The following NDC80 variants were observed in gnomAD, a reference collection of about 807,000 sequenced individuals.
The protein encoded by NDC80 is NDC80 kinetochore complex component.
NDC80 carries 69 observed loss-of-function variants against 89.3 expected under a neutral mutation model. The observed-to-expected ratio is 0.77, with a 90% CI of 0.64 to 0.94. The LOEUF is 0.94. Among genes scored for constraint, NDC80 ranks in the 40% least tolerant of loss-of-function variants. The pLI, the probability that NDC80 is intolerant of heterozygous loss-of-function variation, is 0.00. For synonymous variants in NDC80, 243 were observed against 255.6 expected, an observed-to-expected ratio of 0.95 and a Z score of 0.47; for missense variants, 593 against 739.6, an observed-to-expected ratio of 0.80 and a Z score of 2.30.
intron 7 of NDC80, among the ~76,000 whole-genome samples, chr18:2,587,595 A>G (rs1441916611): frequency 6.6e-6 from 1 of 152,184 alleles, no homozygotes; most frequent in Non-Finnish European, 1.5e-5. Flanking sequence ...TATTGCCTTT[A>G]TCCAAATTTA....
At position 2,595,489 on chromosome 18, in the gene NDC80, T is replaced by C; in HGVS notation, c.1089T>C (p.Val363=). The C allele has an allele frequency of 6.2e-7, 1 of 1,613,826 alleles. No homozygotes were observed. The highest frequency in any genetic ancestry group is 8.5e-7 in the Non-Finnish European group (1 of 1,179,788). Residue 363 remains valine, a synonymous_variant, in exon 11 of 17, where the codon GTT becomes GTC. Transcript: ENST00000261597. ...TCATTGACAACCAGAAGTACTCAGT[T>C]GCAGACATTGAGCGAATAAATCATG... is the stretch of plus-strand genomic sequence containing the variant. The part of the protein sequence containing the change: ...QNIIDNQKYS[V]ADIERINHER...
intron 3 of NDC80, among the ~76,000 whole-genome samples, chr18:2,576,003 G>A (rs531889459): frequency 0.073 from 11,081 of 152,212 alleles, 515 homozygotes; most frequent in South Asian, 0.15. Context: ...AGAGGCTTAG[G>A]CAGGAGGTTT....
At chr18:2,612,276 CTTTTTTTTTTTTTTTT>C (rs55648444) in intron 16 of NDC80, among the ~76,000 whole-genome samples, 6 of 60,398 alleles carry the variant, frequency 9.9e-5, no homozygotes, top group Non-Finnish European at 1.5e-4. Flanking sequence ...TCTTTTCTTT[CTTTTTTTTTTTTTTTT>C]TTTTTTTTTT....
chr18:2,602,600 A>G (rs777590464), intron 13 of NDC80, among the ~76,000 whole-genome samples: 1 of 152,210 alleles, frequency 6.6e-6, no homozygotes, highest in Non-Finnish European at 1.5e-5. Flanking sequence ...TATGAATTCC[A>G]AACAACAGGA....
intron 7 of NDC80, 130 bp downstream of exon 7, chr18:2,585,332 C>G (rs2072598367): frequency 1.5e-6 from 1 of 680,674 alleles, no homozygotes; most frequent in Non-Finnish European, 2.4e-6. Context: ...AATATCATGT[C>G]AAAAATGCAT....
Position 2,601,377 on chromosome 18 carries a change from A to T in NDC80, c.1375-19A>T, listed in dbSNP as rs2072683263. On this transcript the variant is annotated intron_variant, in intron 12 of 16. Transcript: ENST00000261597. The stretch of plus-strand genomic sequence containing the variant: ...TAATTAAATGTTATATGTCACCCAC[A>T]TTCCTATGTATTTTATAGGTACCTC... 1 of 1,236,808 alleles carries T rather than the reference A, an allele frequency of 8.1e-7. No homozygotes were observed. The highest frequency in any genetic ancestry group is 1.5e-5 in the African/African-American group (1 of 65,470). The allele number at this position is 1,236,808 out of a possible 1,614,324, so 76.6% of individuals were successfully genotyped here.
At chr18:2,598,402 A>T (rs193042007) in intron 11 of NDC80, among the ~76,000 whole-genome samples, 7 of 152,238 alleles carry the variant, frequency 4.6e-5, no homozygotes, top group Admixed American at 6.5e-5. Context: ...ATGAACAAAT[A>T]TATGTCAGGT....
intron 15 of NDC80, among the ~76,000 whole-genome samples, chr18:2,610,131 T>C (rs1338668089): frequency 6.6e-6 from 1 of 152,234 alleles, no homozygotes; most frequent in East Asian, 1.9e-4. Context: ...TTTCTTTAAA[T>C]AATTTTCTGT....
intron 7 of NDC80, 111 bp from the exon 8 acceptor site, chr18:2,587,719 T>G (rs1393554412): frequency 1.3e-6 from 1 of 789,726 alleles, no homozygotes; most frequent in African/African-American, 1.7e-5. Context: ...ATCTGACTAC[T>G]TAGTATTTCT....
At chr18:2,597,215 AT>A (rs1351649171) in intron 11 of NDC80, among the ~76,000 whole-genome samples, 1 of 152,040 alleles carries the variant, frequency 6.6e-6, no homozygotes, top group Non-Finnish European at 1.5e-5. Context: ...ATAAAATAAA[AT>A]AGCAAGTGGG....
chr18:2,575,617 A>T (rs891417437), intron 3 of NDC80, among the ~76,000 whole-genome samples: 14 of 151,098 alleles, frequency 9.3e-5, no homozygotes, highest in Non-Finnish European at 1.3e-4. Context: ...ACAAAAAAAA[A>T]TTTTTTTTAA....
At chr18:2,598,410 G>C (rs1414250111) in intron 11 of NDC80, among the ~76,000 whole-genome samples, 1 of 152,150 alleles carries the variant, frequency 6.6e-6, no homozygotes, top group African/African-American at 2.4e-5. Flanking sequence ...ATATATGTCA[G>C]GTAGTGATGA....
intron 16 of NDC80, among the ~76,000 whole-genome samples, chr18:2,613,160 C>T (rs921525642): frequency 4.6e-5 from 7 of 152,184 alleles, no homozygotes; most frequent in South Asian, 2.1e-4. Context: ...GGCCTACAGC[C>T]GGCTTTTGTA....
In NDC80 at chr18:2,610,874, TGGTCTTTCCTA is replaced by T; in HGVS notation, c.1791+14_1791+24del. ...TGGGTCTGTAGAGGTAAGTATGTGATGGTCTTTCCTACGTTCTAAGAAAGGTTTTTAAAACT... is the reference window on the plus strand; with the variant it reads ...TGGGTCTGTAGAGGTAAGTATGTGATCGTTCTAAGAAAGGTTTTTAAAACT... On this transcript the variant is annotated intron_variant, in intron 16 of 16. Transcript: ENST00000261597. The T allele has an allele frequency of 2.1e-6, 3 of 1,430,754 alleles. No individual in the cohort carries two copies. The highest frequency in any genetic ancestry group is 2.8e-6 in the Non-Finnish European group (3 of 1,056,738). 88.6% of individuals were successfully genotyped at this position (1,430,754 alleles called of 1,614,324 possible).
intron 3 of NDC80, among the ~76,000 whole-genome samples, chr18:2,575,355 G>T (rs113819383): frequency 6.6e-6 from 1 of 152,182 alleles, no homozygotes; most frequent in Admixed American, 6.5e-5. Flanking sequence ...GAGTGGCCAG[G>T]CATGGTGGCC....
chr18:2,597,966 T>C (rs1458777175), intron 11 of NDC80, among the ~76,000 whole-genome samples: 28 of 152,282 alleles, frequency 1.8e-4, no homozygotes, highest in Admixed American at 1.8e-3. Flanking sequence ...GGTAATAGGC[T>C]GTTATATATA....
chr18:2,593,337 A>G (rs2072637639), intron 10 of NDC80, among the ~76,000 whole-genome samples: 1 of 152,038 alleles, frequency 6.6e-6, no homozygotes, highest in African/African-American at 2.4e-5. Flanking sequence ...ATTTTTTCAC[A>G]TAGTATAAAT....
At chr18:2,598,810 T>C (rs1203901135) in intron 11 of NDC80, among the ~76,000 whole-genome samples, 1 of 152,184 alleles carries the variant, frequency 6.6e-6, no homozygotes, top group African/African-American at 2.4e-5. Flanking sequence ...CAATTGATAG[T>C]CTTAATTATT....
chr18:2,586,000 G>A (rs1046329618), intron 7 of NDC80, among the ~76,000 whole-genome samples: 12 of 152,008 alleles, frequency 7.9e-5, no homozygotes, highest in Non-Finnish European at 1.5e-4. Context: ...GCCCAGAGTC[G>A]CCACTTCCAA....
Sources: allele counts gnomAD v4.1 joint callset (sites outside exome capture counted in the v4.1 genomes callset), GRCh38; gene constraint gnomAD v4.1.1; transcripts MANE v1.5; gene names NCBI Gene and HGNC (gene_info 2026-07-23, HGNC 2026-07-21).